MYO3A: variants seen among roughly 807,000 people sequenced by gnomAD.
The protein encoded by MYO3A is myosin-IIIa.
Under a neutral mutation model 192.7 loss-of-function variants are expected in MYO3A, and 180 were observed. The observed-to-expected ratio is 0.93, with a 90% CI of 0.83 to 1.06. MYO3A has a LOEUF of 1.06. Among genes scored for constraint, MYO3A ranks in the 50% least tolerant of loss-of-function variants. MYO3A has a pLI of 0.00. For missense variants in MYO3A, 1,896 were observed against 1,905.0 expected, an observed-to-expected ratio of 1.00 and a Z score of 0.09; for synonymous variants, 628 against 645.3, an observed-to-expected ratio of 0.97 and a Z score of 0.41.
At chr10:26,162,250 C>T (rs1841520128) in intron 26 of MYO3A, among the ~76,000 whole-genome samples, 1 of 152,094 alleles carries the variant, frequency 6.6e-6, no homozygotes, top group Non-Finnish European at 1.5e-5. Context: ...ACTCTGAGAG[C>T]ATAAAGGAAG....
intron 29 of MYO3A, among the ~76,000 whole-genome samples, chr10:26,173,230 A>C (rs1405658623): frequency 2.0e-5 from 3 of 152,192 alleles, no homozygotes; most frequent in South Asian, 4.1e-4. Flanking sequence ...TCTGATCAGT[A>C]AACTTAGTGC....
intron 14 of MYO3A, among the ~76,000 whole-genome samples, chr10:26,083,682 G>T (rs1836119169): frequency 6.6e-6 from 1 of 152,106 alleles, no homozygotes; most frequent in East Asian, 1.9e-4. Flanking sequence ...TACCTAAACT[G>T]TTGAGAGTCC....
intron 14 of MYO3A, among the ~76,000 whole-genome samples, chr10:26,081,133 T>C (rs1378037529): frequency 2.9e-4 from 25 of 84,950 alleles, no homozygotes; most frequent in Non-Finnish European, 3.5e-4. Context: ...TATATGCCCT[T>C]CCCCCCCCCC....
intron 10 of MYO3A, among the ~76,000 whole-genome samples, chr10:26,055,857 C>A (rs1407869679): frequency 2.0e-5 from 3 of 152,340 alleles, no homozygotes; most frequent in African/African-American, 7.2e-5. Flanking sequence ...AATGCTTCCA[C>A]TCCCTTATGC....
At chr10:26,061,750 G>A (rs1834494195) in intron 10 of MYO3A, among the ~76,000 whole-genome samples, 2 of 152,106 alleles carry the variant, frequency 1.3e-5, no homozygotes, top group African/African-American at 4.8e-5. Context: ...CACAAGAGTG[G>A]AAGAGTGAGG....
chr10:25,999,220 C>T (rs1239752977), intron 6 of MYO3A, among the ~76,000 whole-genome samples: 2 of 152,094 alleles, frequency 1.3e-5, no homozygotes, highest in Non-Finnish European at 2.9e-5. Flanking sequence ...CTTTTTAAAA[C>T]ATCATAAATT....
At position 26,070,644 on chromosome 10, in the gene MYO3A, T is replaced by G. The variant is rs761466889; in HGVS notation, c.1359+243T>G. Among the ~76,000 whole-genome samples the G allele has an allele frequency of 3.3e-4, 50 of 152,108 alleles. 1 individual carries two copies. Among genetic ancestry groups the G allele is most frequent in the Admixed American group, 5.2e-4 (8 of 15,272 alleles). ...CAAGGCTTATAAAGGTGATTTTCAT[T>G]GTTTTTAGTCCCAGTGCATTTATTG... On this transcript the variant is annotated intron_variant, in intron 14 of 34. Coordinates refer to ENST00000642920, the MANE Select transcript of MYO3A (RefSeq NM_017433.5).
intron 14 of MYO3A, among the ~76,000 whole-genome samples, chr10:26,073,802 G>A (rs61840798): frequency 0.47 from 72,041 of 151,764 alleles, 17,894 homozygotes; most frequent in Middle Eastern, 0.59. Context: ...AAGCAGATCA[G>A]TGATTATCAG....
chr10:26,137,941 A>G (rs971217400), intron 20 of MYO3A, among the ~76,000 whole-genome samples: 2 of 152,180 alleles, frequency 1.3e-5, no homozygotes, highest in East Asian at 1.9e-4. Context: ...TATCAAGACA[A>G]TATGTGCACT....
Position 26,147,511 on chromosome 10 carries a change from G to A in MYO3A, c.2587G>A (p.Asp863Asn), listed in dbSNP as rs369426861. ...CATTGTGCTACTTTTGAGGTCATCC[G>A]ACAACAGTGTAATTAGGCAACTAGT... Reference protein sequence around the residue: ...TDIVLLLRSSDNSVIRQLVNH... With the variant: ...TDIVLLLRSSNNSVIRQLVNH... Residue 863 changes from aspartate (D) to asparagine (N), a missense_variant, in exon 23 of 35, where the codon GAC becomes AAC. Coordinates refer to ENST00000642920, the MANE Select transcript of MYO3A (RefSeq NM_017433.5). 32 of 1,613,802 alleles carry A rather than the reference G, an allele frequency of 2.0e-5. No homozygotes were observed. In the East Asian group the frequency reaches 2.9e-4, roughly 15 times the overall value.
At chr10:26,007,074 A>C (rs1342340652) in intron 6 of MYO3A, among the ~76,000 whole-genome samples, 1 of 147,892 alleles carries the variant, frequency 6.8e-6, no homozygotes, top group Admixed American at 6.7e-5. Flanking sequence ...AGGCTGGTTC[A>C]ATATACGCAA....
intron 32 of MYO3A, among the ~76,000 whole-genome samples, chr10:26,195,275 A>G (rs551412607): frequency 2.6e-5 from 4 of 152,150 alleles, no homozygotes; most frequent in Non-Finnish European, 4.4e-5. Context: ...CATCTTCCAT[A>G]TTCAAAAATC....
chr10:26,004,266 G>A (rs1256885868), intron 6 of MYO3A, among the ~76,000 whole-genome samples: 2 of 152,096 alleles, frequency 1.3e-5, no homozygotes, highest in African/African-American at 4.8e-5. Flanking sequence ...AGGGATCAGG[G>A]TGGAGAGAAG....
intron 31 of MYO3A, among the ~76,000 whole-genome samples, chr10:26,188,112 T>G (rs1842948901): frequency 6.6e-6 from 1 of 152,174 alleles, no homozygotes. Flanking sequence ...CCACCAACAG[T>G]GTAAAAGTGT....
At chr10:26,193,364 C>T (rs1843247418) in intron 32 of MYO3A, 53 bp downstream of exon 32, 2 of 1,412,016 alleles carry the variant, frequency 1.4e-6, no homozygotes, top group South Asian at 1.2e-5. Context: ...TACTAATGGC[C>T]AGTGTGAAAA....
intron 15 of MYO3A, among the ~76,000 whole-genome samples, chr10:26,090,481 GA>G (rs1836633906): frequency 6.6e-6 from 1 of 152,152 alleles, no homozygotes; most frequent in Admixed American, 6.5e-5. Flanking sequence ...GCTTATTGGG[GA>G]AAAGCATTCC....
At chr10:26,193,173 T>C in intron 31 of MYO3A, 32 bp from the exon 32 acceptor site, 1 of 1,443,978 alleles carries the variant, frequency 6.9e-7, no homozygotes, top group Non-Finnish European at 9.7e-7. Context: ...TATTTGTAAT[T>C]AAATACTTGT....
At chr10:26,122,783 G>A (rs1200770415) in intron 18 of MYO3A, among the ~76,000 whole-genome samples, 1 of 151,910 alleles carries the variant, frequency 6.6e-6, no homozygotes, top group Non-Finnish European at 1.5e-5. Context: ...CATTCTTGCT[G>A]GATAAAGATA....
In MYO3A at chr10:25,955,008, G is replaced by A; in HGVS notation, c.303G>A (p.Glu101=). 6.2e-7 allele frequency: 1 copy of A among 1,612,714 alleles called. No individual in the cohort carries two copies. Among genetic ancestry groups the A allele is most frequent in the South Asian group, 1.1e-5 (1 of 91,034 alleles). ...GAGACAAGCTGTGGTTGGTTCTTGA[G>A]GTAAGTGTGTCAGCATCATTTGTAT... ...VNGDKLWLVL[E]LCSGGSVTDL... The change falls in exon 4 of 35, where the codon GAG becomes GAA. Residue 101 remains glutamate, a splice_region_variant and synonymous_variant. Transcript: ENST00000642920.
Sources: allele counts gnomAD v4.1 joint callset (sites outside exome capture counted in the v4.1 genomes callset), GRCh38; gene constraint gnomAD v4.1.1; transcripts MANE v1.5; gene names NCBI Gene and HGNC (gene_info 2026-07-23, HGNC 2026-07-21).